GALNT17: variants seen among roughly 807,000 people sequenced by gnomAD.
GALNT17 encodes polypeptide N-acetylgalactosaminyltransferase 17.
A neutral mutation model predicts 63.7 loss-of-function variants in GALNT17; 29 were observed. The observed-to-expected ratio is 0.46, with a 90% CI of 0.34 to 0.62. The LOEUF is 0.62. GALNT17 is among the 20% of genes least tolerant of loss of function. The probability of loss-of-function intolerance (pLI) is 0.01; values close to 1 mark genes in which losing one functional copy is unlikely to be tolerated. For synonymous variants in GALNT17, 305 were observed against 318.3 expected, an observed-to-expected ratio of 0.96 and a Z score of 0.45; for missense variants, 603 against 799.6, an observed-to-expected ratio of 0.75 and a Z score of 2.97.
chr7:71,559,900 A>AC (rs1554308684), intron 5 of GALNT17, among the ~76,000 whole-genome samples: 200 of 149,900 alleles, frequency 1.3e-3, no homozygotes, highest in Non-Finnish European at 2.1e-3. Flanking sequence ...TTAAAAACAA[A>AC]AAAAAAAAAA....
intron 6 of GALNT17, among the ~76,000 whole-genome samples, chr7:71,646,121 C>T (rs1426692250): frequency 6.6e-6 from 1 of 152,156 alleles, no homozygotes; most frequent in African/African-American, 2.4e-5. Flanking sequence ...CTCTGATACA[C>T]CATCGTGGAA....
intron 1 of GALNT17, among the ~76,000 whole-genome samples, chr7:71,302,155 C>T (rs1217679375): frequency 6.6e-6 from 1 of 152,012 alleles, no homozygotes; most frequent in Non-Finnish European, 1.5e-5. Flanking sequence ...GATGAGAATA[C>T]ATGGACACAG....
At chr7:71,313,258 C>T (rs1264255160) in intron 1 of GALNT17, among the ~76,000 whole-genome samples, 1 of 152,136 alleles carries the variant, frequency 6.6e-6, no homozygotes, top group Admixed American at 6.5e-5. Flanking sequence ...TGAATCATTG[C>T]AAAAATTATT....
intron 2 of GALNT17, among the ~76,000 whole-genome samples, chr7:71,364,221 TA>T (rs1792459991): frequency 6.6e-6 from 1 of 152,218 alleles, no homozygotes; most frequent in Non-Finnish European, 1.5e-5. Context: ...AAACTTAATT[TA>T]ACAGTAGTTA....
At chr7:71,373,866 T>C (rs1792673307) in intron 2 of GALNT17, among the ~76,000 whole-genome samples, 1 of 152,270 alleles carries the variant, frequency 6.6e-6, no homozygotes, top group South Asian at 2.1e-4. Context: ...TGATAAAATC[T>C]AACCACACGT....
intron 2 of GALNT17, among the ~76,000 whole-genome samples, chr7:71,354,510 A>G (rs1170594046): frequency 6.6e-6 from 1 of 152,172 alleles, no homozygotes; most frequent in Non-Finnish European, 1.5e-5. Context: ...TCCTATGTCT[A>G]TAAATATTTT....
chr7:71,383,833 C>T (rs1341106471), intron 2 of GALNT17, among the ~76,000 whole-genome samples: 1 of 152,186 alleles, frequency 6.6e-6, no homozygotes, highest in Non-Finnish European at 1.5e-5. Context: ...ACTCCACATA[C>T]TACATTTTCT....
intron 9 of GALNT17, among the ~76,000 whole-genome samples, chr7:71,684,106 G>A (rs1242159011): frequency 1.3e-5 from 2 of 151,858 alleles, no homozygotes; most frequent in Non-Finnish European, 2.9e-5. Flanking sequence ...TGTCTAAGGA[G>A]ACCCACAGAC....
intron 5 of GALNT17, among the ~76,000 whole-genome samples, chr7:71,513,426 C>T (rs568742382): frequency 7.2e-5 from 11 of 151,868 alleles, no homozygotes; most frequent in Non-Finnish European, 1.6e-4. Flanking sequence ...TGCTGTGTCG[C>T]CCAGGCTGGA....
intron 1 of GALNT17, among the ~76,000 whole-genome samples, chr7:71,152,119 C>T (rs1041928669): frequency 6.6e-6 from 1 of 152,002 alleles, no homozygotes. Context: ...CGTGCCTACC[C>T]GTCTTCCTGC....
rs1408181447 is a variant in GALNT17, at chr7:71,421,081, C to T, written c.938C>T (p.Ala313Val). 2 of 1,614,084 alleles carry T rather than the reference C, an allele frequency of 1.2e-6. No individual in the cohort carries two copies. Among genetic ancestry groups the T allele is most frequent in the Non-Finnish European group, 8.5e-7 (1 of 1,180,016 alleles). The change falls in exon 5 of 11, where the codon GCC becomes GTC. Residue 313 changes from alanine to valine, a missense_variant. Around this residue, in one of 3 missense-constraint regions of GALNT17, gnomAD observed 336 missense variants for 507.8 expected, o/e 0.66. Transcript: ENST00000333538. ...AGCCCCCCAAAAGACTGGTGGGACG[C>T]CGGAGACCCTTCTCTCCCCATCAGG... Reference protein sequence around the residue: ...YISPPKDWWDAGDPSLPIRTP... With the variant: ...YISPPKDWWDVGDPSLPIRTP...
intron 5 of GALNT17, among the ~76,000 whole-genome samples, chr7:71,537,671 G>A (rs1252973846): frequency 6.6e-6 from 1 of 152,102 alleles, no homozygotes; most frequent in Non-Finnish European, 1.5e-5. Flanking sequence ...AATTAGCCAG[G>A]CGTTGGTGGC....
At chr7:71,238,824 G>A (rs1161769261) in intron 1 of GALNT17, among the ~76,000 whole-genome samples, 2 of 152,166 alleles carry the variant, frequency 1.3e-5, no homozygotes, top group East Asian at 3.9e-4. Flanking sequence ...CTACAATGCA[G>A]CAGAGACCAT....
intron 6 of GALNT17, among the ~76,000 whole-genome samples, chr7:71,652,219 A>G (rs1790764384): frequency 6.6e-6 from 1 of 151,838 alleles, no homozygotes; most frequent in Admixed American, 6.6e-5. Context: ...ACTTGCATTG[A>G]CTGGCAAGAG....
intron 5 of GALNT17, among the ~76,000 whole-genome samples, chr7:71,440,188 C>T (rs543039146): frequency 1.3e-5 from 2 of 152,068 alleles, no homozygotes; most frequent in African/African-American, 4.8e-5. Context: ...TTCAGGCCCT[C>T]TTACATATCT....
At chr7:71,349,032 G>A (rs1350043436) in intron 2 of GALNT17, among the ~76,000 whole-genome samples, 10 of 152,216 alleles carry the variant, frequency 6.6e-5, no homozygotes, top group African/African-American at 1.9e-4. Context: ...ATTATACTCC[G>A]ATTCGTTCAG....
At chr7:71,152,692 G>C (rs190419869) in intron 1 of GALNT17, among the ~76,000 whole-genome samples, 44 of 152,116 alleles carry the variant, frequency 2.9e-4, no homozygotes, top group African/African-American at 1.0e-3. Context: ...GGGTGCAGTG[G>C]TGCAATCTCT....
At chr7:71,292,655 G>GAC (rs1562975993) in intron 1 of GALNT17, among the ~76,000 whole-genome samples, 3 of 61,836 alleles carry the variant, frequency 4.9e-5, no homozygotes, top group Middle Eastern at 8.2e-3. Context: ...GAGAGAGACA[G>GAC]AGAGAGAGAG....
chr7:71,337,999 A>C (rs901815731), intron 2 of GALNT17, among the ~76,000 whole-genome samples: 2 of 152,060 alleles, frequency 1.3e-5, no homozygotes, highest in East Asian at 1.9e-4. Flanking sequence ...CAGGAGTTCG[A>C]GATCAGCCTG....
Sources: gnomAD v4.1 joint callset for allele counts (sites outside exome capture counted in the v4.1 genomes callset) on GRCh38, gnomAD v4.1.1 for gene constraint, gnomAD v4.1.1 regional missense constraint, MANE v1.5 for transcripts, NCBI Gene and HGNC (gene_info 2026-07-23, HGNC 2026-07-21) for gene names.